The following KCNIP4 variants were observed in gnomAD, a reference collection of about 807,000 sequenced individuals.
The protein encoded by KCNIP4 is potassium voltage-gated channel interacting protein 4.
KCNIP4 carries 12 observed loss-of-function variants against 34.0 expected under a neutral mutation model. That is an observed-to-expected ratio of 0.35 (90% CI 0.23 to 0.57). The LOEUF (loss-of-function observed/expected upper bound fraction) is 0.57. KCNIP4 is among the 20% of genes least tolerant of loss of function. KCNIP4 has a pLI of 0.83. For synonymous variants in KCNIP4, 124 were observed against 102.2 expected, an observed-to-expected ratio of 1.21 and a Z score of -1.29; for missense variants, 238 against 311.7, an observed-to-expected ratio of 0.76 and a Z score of 1.78.
At chr4:21,042,504 A>G (rs1742055599) in intron 1 of KCNIP4, among the ~76,000 whole-genome samples, 1 of 152,196 alleles carries the variant, frequency 6.6e-6, no homozygotes, top group Non-Finnish European at 1.5e-5. Context: ...TAGAGAGCAG[A>G]AGAATAATAA....
intron 1 of KCNIP4, among the ~76,000 whole-genome samples, chr4:21,853,343 T>C (rs1393571473): frequency 2.0e-5 from 3 of 152,188 alleles, no homozygotes; most frequent in African/African-American, 7.2e-5. Context: ...AACACCGGTC[T>C]GGGAAATGAA....
At chr4:21,605,505 G>T (rs1324507425) in intron 1 of KCNIP4, among the ~76,000 whole-genome samples, 7 of 151,862 alleles carry the variant, frequency 4.6e-5, no homozygotes, top group Non-Finnish European at 4.4e-5. Flanking sequence ...TTTTGAGACG[G>T]AGTCTCACTC....
intron 1 of KCNIP4, among the ~76,000 whole-genome samples, chr4:21,576,914 A>C (rs1740780398): frequency 6.6e-6 from 1 of 152,184 alleles, no homozygotes; most frequent in African/African-American, 2.4e-5. Flanking sequence ...ATTATCATAT[A>C]ATGACACTCA....
At chr4:21,672,009 T>C (rs1749538062) in intron 1 of KCNIP4, among the ~76,000 whole-genome samples, 1 of 152,154 alleles carries the variant, frequency 6.6e-6, no homozygotes, top group Admixed American at 6.5e-5. Flanking sequence ...GACTCTCTCT[T>C]AGAGCCTGAT....
intron 1 of KCNIP4, among the ~76,000 whole-genome samples, chr4:21,247,996 C>A (rs1020707030): frequency 9.1e-6 from 1 of 109,452 alleles, no homozygotes; most frequent in African/African-American, 5.2e-5. Flanking sequence ...CACACACACA[C>A]ACACACACCC....
intron 1 of KCNIP4, among the ~76,000 whole-genome samples, chr4:20,898,222 C>G (rs1449948416): frequency 2.0e-5 from 3 of 152,138 alleles, no homozygotes; most frequent in Non-Finnish European, 4.4e-5. Flanking sequence ...TCCTGGTTCT[C>G]CAGCTTGCAG....
chr4:21,134,387 C>T (rs1007237091), intron 1 of KCNIP4, among the ~76,000 whole-genome samples: 1 of 152,164 alleles, frequency 6.6e-6, no homozygotes, highest in Non-Finnish European at 1.5e-5. Context: ...ATACAATACA[C>T]ATAGCATACA....
In KCNIP4 at chr4:21,147,939, C is replaced by CAAAAAAAAAAAAAAAAAAAAAAAAAAA. The variant is rs377562727; in HGVS notation, c.62-265231_62-265230insTTTTTTTTTTTTTTTTTTTTTTTTTTT. ...GGACAACAAAAGTGAAACTCCGTCT[C>CAAAAAAAAAAAAAAAAAAAAAAAAAAA]AAAAAAAAAAAAAAAAAAAAAGAAA... On this transcript the variant is annotated intron_variant, in intron 1 of 8. Coordinates refer to ENST00000382152, the MANE Select transcript of KCNIP4 (RefSeq NM_025221.6). Among the ~76,000 whole-genome samples, 40 of 30,994 alleles carry CAAAAAAAAAAAAAAAAAAAAAAAAAAA rather than the reference C, an allele frequency of 1.3e-3. 1 individual carries two copies. The highest frequency in any genetic ancestry group is 2.9e-3 in the East Asian group (3 of 1,024). 20.3% of individuals were successfully genotyped at this position (30,994 alleles called of 152,430 possible).
chr4:21,705,489 G>A (rs1713193109), intron 1 of KCNIP4, among the ~76,000 whole-genome samples: 1 of 152,172 alleles, frequency 6.6e-6, no homozygotes, highest in Non-Finnish European at 1.5e-5. Context: ...TACCTTTTGA[G>A]CCCCTTCTAT....
At chr4:21,338,475 C>T (rs2109341170) in intron 1 of KCNIP4, among the ~76,000 whole-genome samples, 1 of 148,568 alleles carries the variant, frequency 6.7e-6, no homozygotes, top group Admixed American at 6.7e-5. Context: ...GGCATACTGG[C>T]ATGTTCTTGT....
intron 1 of KCNIP4, among the ~76,000 whole-genome samples, chr4:21,035,823 G>T (rs1741400194): frequency 6.6e-6 from 1 of 152,122 alleles, no homozygotes; most frequent in Non-Finnish European, 1.5e-5. Context: ...CTCAGCTTGG[G>T]AGCAAGGATG....
intron 1 of KCNIP4, among the ~76,000 whole-genome samples, chr4:21,137,774 G>A (rs1751613624): frequency 1.3e-5 from 2 of 150,452 alleles, no homozygotes; most frequent in East Asian, 3.9e-4. Flanking sequence ...TTTTTCCATA[G>A]TAATAAAAAC....
chr4:21,138,704 T>C (rs1404608651), intron 1 of KCNIP4, among the ~76,000 whole-genome samples: 1 of 152,008 alleles, frequency 6.6e-6, no homozygotes, highest in Non-Finnish European at 1.5e-5. Context: ...GAGATTATAC[T>C]AGATAATCCT....
At chr4:21,690,260 A>G (rs1751169320) in intron 1 of KCNIP4, among the ~76,000 whole-genome samples, 2 of 151,808 alleles carry the variant, frequency 1.3e-5, no homozygotes, top group Admixed American at 1.3e-4. Context: ...CCAAGCCCAC[A>G]AATGTATCCC....
intron 6 of KCNIP4, among the ~76,000 whole-genome samples, chr4:20,733,487 A>G (rs1376331488): frequency 6.6e-6 from 1 of 152,214 alleles, no homozygotes; most frequent in Non-Finnish European, 1.5e-5. Flanking sequence ...AGGTTAATAC[A>G]GAGCGAATAT....
At chr4:21,017,782 G>T (rs1476298787) in intron 1 of KCNIP4, among the ~76,000 whole-genome samples, 1 of 152,066 alleles carries the variant, frequency 6.6e-6, no homozygotes, top group Non-Finnish European at 1.5e-5. Flanking sequence ...CTTCTATGAT[G>T]GTTGAACTAA....
intron 1 of KCNIP4, among the ~76,000 whole-genome samples, chr4:21,610,954 G>T (rs1274003532): frequency 6.6e-6 from 1 of 152,026 alleles, no homozygotes; most frequent in Non-Finnish European, 1.5e-5. Context: ...TTCTCCTAAT[G>T]CTATCCCTCC....
At chr4:21,015,082 T>C (rs540266939) in intron 1 of KCNIP4, among the ~76,000 whole-genome samples, 2 of 152,116 alleles carry the variant, frequency 1.3e-5, no homozygotes, top group African/African-American at 2.4e-5. Context: ...AAGAAGCAAA[T>C]TCATAGAAAT....
intron 1 of KCNIP4, among the ~76,000 whole-genome samples, chr4:21,015,350 T>C (rs1412086064): frequency 6.8e-6 from 1 of 146,946 alleles, no homozygotes; most frequent in Non-Finnish European, 1.5e-5. Context: ...TGAGAAACAA[T>C]GATACTCTAT....
Sources: gnomAD v4.1 joint callset for allele counts (sites outside exome capture counted in the v4.1 genomes callset) on GRCh38, gnomAD v4.1.1 for gene constraint, MANE v1.5 for transcripts, NCBI Gene and HGNC (gene_info 2026-07-23, HGNC 2026-07-21) for gene names.